HRH1: variants seen among roughly 807,000 people sequenced by gnomAD.
The protein encoded by HRH1 is histamine receptor H1, also known as histamine H1 receptor.
Under a neutral mutation model 10.3 loss-of-function variants are expected in HRH1, and 6 were observed. The ratio of observed to expected loss-of-function variants is 0.58; its 90% CI spans 0.32 to 1.15. The LOEUF (loss-of-function observed/expected upper bound fraction) is 1.15, where lower values mean the gene tolerates loss of function less well. HRH1 is among the 50% of genes most tolerant of loss of function. HRH1 has a pLI of 0.05. For missense variants in HRH1, 514 were observed against 615.3 expected, an observed-to-expected ratio of 0.84 and a Z score of 1.74; for synonymous variants, 242 against 236.7, an observed-to-expected ratio of 1.02 and a Z score of -0.21.
intron 1 of HRH1, among the ~76,000 whole-genome samples, chr3:11,179,427 C>G (rs887570785): frequency 5.3e-5 from 8 of 151,154 alleles, no homozygotes; most frequent in Non-Finnish European, 1.0e-4. Flanking sequence ...TAGAGCATCC[C>G]GGCTAACATG....
chr3:11,165,387 C>T (rs796427560), intron 1 of HRH1, among the ~76,000 whole-genome samples: 14 of 152,300 alleles, frequency 9.2e-5, no homozygotes, highest in African/African-American at 3.4e-4. Context: ...GAGTTCCAGG[C>T]TGGATAACAG....
chr3:11,253,549 G>A (rs1022843884), intron 1 of HRH1, among the ~76,000 whole-genome samples: 2 of 152,028 alleles, frequency 1.3e-5, no homozygotes, highest in African/African-American at 2.4e-5. Flanking sequence ...AAATTCTGTC[G>A]GTCCCTCATC....
chr3:11,148,622 A>C (rs2124998508), intron 1 of HRH1, among the ~76,000 whole-genome samples: 1 of 151,832 alleles, frequency 6.6e-6, no homozygotes, highest in East Asian at 1.9e-4. Context: ...TCCAAGCAGC[A>C]GAAAAAAAGA....
chr3:11,198,901 TATACACACACAC>T (rs1007753549), intron 1 of HRH1, among the ~76,000 whole-genome samples: 5 of 86,088 alleles, frequency 5.8e-5, no homozygotes, highest in African/African-American at 2.1e-4. Context: ...TCTCTCTCTT[TATACACACACAC>T]ACACACACAC....
intron 1 of HRH1, among the ~76,000 whole-genome samples, chr3:11,222,656 T>G (rs1938744549): frequency 6.6e-6 from 1 of 152,022 alleles, no homozygotes; most frequent in South Asian, 2.1e-4. Flanking sequence ...GCCGAGTGTC[T>G]GCTGGCGAGC....
At chr3:11,166,467 A>G (rs1315077262) in intron 1 of HRH1, among the ~76,000 whole-genome samples, 1 of 152,230 alleles carries the variant, frequency 6.6e-6, no homozygotes, top group Non-Finnish European at 1.5e-5. Flanking sequence ...GCAGACAAGC[A>G]TTCCTGCCCT....
In HRH1 at chr3:11,206,255, C is replaced by T. The variant is rs1247230527; in HGVS notation, c.-36+51701C>T. 2.0e-5 allele frequency among the ~76,000 whole-genome samples: 3 copies of T among 152,234 alleles called. No individual in the cohort carries two copies. In the East Asian group the frequency reaches 5.8e-4, roughly 29 times the overall value. ...TCAGCCTCCCGAGGAGTAGCCGGGA[C>T]TACAGGCACACGCCAACACGCCTGG... On this transcript the variant is annotated intron_variant, in intron 1 of 1. Transcript: ENST00000431010.
intron 1 of HRH1, among the ~76,000 whole-genome samples, chr3:11,141,032 C>G (rs1179911674): frequency 6.6e-6 from 1 of 152,102 alleles, no homozygotes; most frequent in African/African-American, 2.4e-5. Context: ...TCATCCCAAG[C>G]TATGAGGCCC....
chr3:11,207,681 A>G (rs1489224222), intron 1 of HRH1, among the ~76,000 whole-genome samples: 2 of 152,186 alleles, frequency 1.3e-5, no homozygotes, highest in African/African-American at 2.4e-5. Context: ...TTCTTTTTCA[A>G]TAAAATGGGG....
At chr3:11,151,306 G>C (rs149254164), upstream of HRH1, among the ~76,000 whole-genome samples, 317 of 152,260 alleles carry the variant, frequency 2.1e-3, 1 homozygote, top group Middle Eastern at 3.4e-3. Context: ...ATAAAATAAA[G>C]CTGACAGAAA....
At chr3:11,144,786 G>A (rs1349840469) in intron 1 of HRH1, among the ~76,000 whole-genome samples, 1 of 151,920 alleles carries the variant, frequency 6.6e-6, no homozygotes, top group Admixed American at 6.6e-5. Context: ...TTCCTGAATT[G>A]CTTGAACCCA....
intron 1 of HRH1, among the ~76,000 whole-genome samples, chr3:11,169,672 T>C (rs1338250647): frequency 3.3e-5 from 5 of 152,166 alleles, no homozygotes; most frequent in South Asian, 2.1e-4. Flanking sequence ...CCCTTCTCTC[T>C]GCACTCTTCA....
At chr3:11,180,480 G>A (rs113262106) in intron 1 of HRH1, among the ~76,000 whole-genome samples, 12,586 of 152,140 alleles carry the variant, frequency 0.083, 694 homozygotes, top group East Asian at 0.22. Context: ...CTGCTGATCC[G>A]ACAGGAGGCA....
At chr3:11,198,449 C>T (rs1306668246) in intron 1 of HRH1, among the ~76,000 whole-genome samples, 1 of 152,204 alleles carries the variant, frequency 6.6e-6, no homozygotes, top group Non-Finnish European at 1.5e-5. Context: ...AGACCCAGCT[C>T]TTATTATTAT....
chr3:11,145,523 A>G (rs1936420527), intron 1 of HRH1, among the ~76,000 whole-genome samples: 1 of 152,024 alleles, frequency 6.6e-6, no homozygotes, highest in South Asian at 2.1e-4. Flanking sequence ...TTGCCTCTAT[A>G]TCTCATCTAA....
At chr3:11,151,358 T>C (rs1472521090), upstream of HRH1, among the ~76,000 whole-genome samples, 1 of 152,144 alleles carries the variant, frequency 6.6e-6, no homozygotes. Context: ...TTTATGACAA[T>C]TACCTTTGAG....
chr3:11,219,317 T>C (rs1205348138), intron 1 of HRH1, among the ~76,000 whole-genome samples: 1 of 152,184 alleles, frequency 6.6e-6, no homozygotes, highest in Non-Finnish European at 1.5e-5. Flanking sequence ...ATGGTGGCGA[T>C]GAGTTCATGG....
Position 11,239,858 on chromosome 3 carries a change from T to C in HRH1, c.-35-19145T>C, listed in dbSNP as rs141899006. On this transcript the variant is annotated intron_variant, in intron 1 of 1. Transcript: ENST00000431010. ...ACCCCACTTATAAAATCTGGAGATT[T>C]TGCATGAAATCTTTTAGTTTTTAAA... Among the ~76,000 whole-genome samples the C allele has an allele frequency of 1.4e-4, 21 of 152,176 alleles. No homozygotes were observed. The South Asian group carries it at 4.2e-3, about 30-fold the overall frequency.
At chr3:11,232,520 T>C (rs1485805389) in intron 1 of HRH1, among the ~76,000 whole-genome samples, 1 of 152,236 alleles carries the variant, frequency 6.6e-6, no homozygotes, top group African/African-American at 2.4e-5. Context: ...AAAGTCTTGA[T>C]TACTGTAGCT....
Sources: gnomAD v4.1 joint callset for allele counts (sites outside exome capture counted in the v4.1 genomes callset) on GRCh38, gnomAD v4.1.1 for gene constraint, MANE v1.5 for transcripts, NCBI Gene and HGNC (gene_info 2026-07-23, HGNC 2026-07-21) for gene names.